The following CRY1 variants were observed in gnomAD, a reference collection of about 807,000 sequenced individuals.
The protein encoded by CRY1 is cryptochrome circadian regulator 1, also known as cryptochrome-1.
CRY1 carries 45 observed loss-of-function variants against 76.0 expected under a neutral mutation model. The observed-to-expected ratio is 0.59, with a 90% CI of 0.47 to 0.76. The LOEUF (loss-of-function observed/expected upper bound fraction) is 0.76, where lower values mean the gene tolerates loss of function less well. CRY1 is among the 30% of genes least tolerant of loss of function. The pLI is 0.00. For missense variants in CRY1, 587 were observed against 716.4 expected (o/e 0.82, Z 2.06); for synonymous variants, 248 against 244.0 (o/e 1.02, Z -0.15).
chr12:106,995,690 G>A (rs1952226703), intron 10 of CRY1, among the ~76,000 whole-genome samples: 1 of 151,768 alleles, frequency 6.6e-6, no homozygotes, highest in African/African-American at 2.4e-5. Context: ...ACATGTGCAG[G>A]ATGTGCAGGT....
At position 107,004,765 on chromosome 12, in the gene CRY1, T is replaced by C. The variant is rs907873017; in HGVS notation, c.410+341A>G. ...TTTATAACTATATATAACTATAAAA[T>C]TGATAATGCTAAGAGCCCAGAAAGG... On this transcript the variant is annotated intron_variant, in intron 3 of 12. Coordinates refer to ENST00000008527, the MANE Select transcript of CRY1 (RefSeq NM_004075.5). Among the ~76,000 whole-genome samples, 5 of 152,268 alleles carry C rather than the reference T, an allele frequency of 3.3e-5. No individual in the cohort carries two copies. The South Asian group carries it at 8.3e-4, about 25-fold the overall frequency.
In CRY1 at chr12:107,091,572, T is replaced by C. The variant is rs544011190; in HGVS notation, c.158+1232A>G. ...GCAGAAAAATTCTTTTCCAAACTTATGTCAGATCACATTACTTCTCTGCTC... is the reference window on the plus strand; with the variant it reads ...GCAGAAAAATTCTTTTCCAAACTTACGTCAGATCACATTACTTCTCTGCTC... On this transcript the variant is annotated intron_variant, in intron 1 of 12. Transcript: ENST00000008527. Among the ~76,000 whole-genome samples the C allele has an allele frequency of 4.7e-4, 72 of 152,330 alleles. No individual in the cohort carries two copies. The South Asian group carries it at 7.3e-3, about 15-fold the overall frequency.
Position 106,991,925 on chromosome 12 carries a change from A to G in CRY1, c.*77T>C, listed in dbSNP as rs1226866508. On this transcript the variant is annotated 3_prime_UTR_variant, in exon 13 of 13. Transcript: ENST00000008527. ...TAACTGCTTTCCATCAATGAAGAAT[A>G]TTTTTAAATAACTTAATTGAAAAGT... The G allele has an allele frequency of 1.3e-5, 2 of 152,580 alleles. No homozygotes were observed. The highest frequency in any genetic ancestry group is 2.9e-5 in the Non-Finnish European group (2 of 68,006). The allele number at this position is 152,580 out of a possible 1,614,324, so 9.5% of individuals were successfully genotyped here. A position where few individuals can be genotyped will look rare whatever the true frequency, so the allele number is the denominator to read the frequency against.
At chr12:106,997,227 A>AATG in intron 10 of CRY1, 67 bp downstream of exon 10, 1 of 1,312,946 alleles carries the variant, frequency 7.6e-7, no homozygotes, top group Non-Finnish European at 1.1e-6. Flanking sequence ...AGTGAGGATC[A>AATG]ATAACAAATA....
intron 1 of CRY1, among the ~76,000 whole-genome samples, chr12:107,058,273 TACAC>T (rs1248990317): frequency 1.3e-5 from 2 of 151,954 alleles, no homozygotes; most frequent in East Asian, 1.9e-4. Context: ...GGTAAATACA[TACAC>T]ACAGACACAG....
intron 1 of CRY1, among the ~76,000 whole-genome samples, chr12:107,061,028 CA>C (rs1283577203): frequency 6.6e-6 from 1 of 152,026 alleles, no homozygotes; most frequent in Non-Finnish European, 1.5e-5. Flanking sequence ...CTGAGATTCC[CA>C]AAAAGCTGGA....
chr12:107,063,159 T>A (rs1305676833), intron 1 of CRY1, among the ~76,000 whole-genome samples: 2 of 152,142 alleles, frequency 1.3e-5, no homozygotes, highest in Non-Finnish European at 2.9e-5. Context: ...GTCTTAATAT[T>A]CTAAGCAAGA....
chr12:107,000,779 AGCTGGAATT>A (rs1952299237), intron 5 of CRY1, among the ~76,000 whole-genome samples: 1 of 151,882 alleles, frequency 6.6e-6, no homozygotes, highest in Non-Finnish European at 1.5e-5. Context: ...CATCCCAAGT[AGCTGGAATT>A]AAAGGCACAC....
At chr12:107,076,968 A>G (rs1169256804) in intron 1 of CRY1, among the ~76,000 whole-genome samples, 4 of 152,150 alleles carry the variant, frequency 2.6e-5, no homozygotes, top group Non-Finnish European at 5.9e-5. Flanking sequence ...GAGGCTCCCC[A>G]AAAGCAGACG....
chr12:106,992,849 G>A lies in CRY1; in HGVS notation c.1699C>T (p.Pro567Ser), dbSNP rs377218700. The A allele has an allele frequency of 2.0e-5, 33 of 1,613,884 alleles. No individual in the cohort carries two copies. Among genetic ancestry groups the A allele is most frequent in the Non-Finnish European group, 2.5e-5 (29 of 1,179,936 alleles). Residue 567 changes from proline to serine, a missense_variant, in exon 12 of 13, where the codon CCT becomes TCT. Pro to Ser is a moderately conservative substitution (Grantham distance 74, BLOSUM62 -1). Coordinates refer to ENST00000008527, the MANE Select transcript of CRY1 (RefSeq NM_004075.5). ...CTCTGTGTGTCCTCTTCCTGACTAG[G>A]ACGTTTCCCACCACTGAGACCAGTG... Reference protein sequence around the residue: ...MGTGLSGGKRPSQEEDTQSIG... With the variant: ...MGTGLSGGKRSSQEEDTQSIG...
chr12:107,049,461 G>A (rs189065579), intron 1 of CRY1, among the ~76,000 whole-genome samples: 1 of 152,160 alleles, frequency 6.6e-6, no homozygotes, highest in African/African-American at 2.4e-5. Context: ...TGCAGCCTCC[G>A]CCTCCTGGGG....
chr12:107,062,920 C>T (rs372253088), intron 1 of CRY1, among the ~76,000 whole-genome samples: 1 of 152,146 alleles, frequency 6.6e-6, no homozygotes, highest in Non-Finnish European at 1.5e-5. Context: ...AAGTTTTTCT[C>T]AATTTAAAAC....
intron 1 of CRY1, among the ~76,000 whole-genome samples, chr12:107,066,098 T>C (rs2136887929): frequency 6.6e-6 from 1 of 152,330 alleles, no homozygotes; most frequent in Non-Finnish European, 1.5e-5. Flanking sequence ...ATAAAGTGAA[T>C]ATTATTTCTG....
chr12:107,031,919 T>C (rs1952680122), intron 1 of CRY1, among the ~76,000 whole-genome samples: 1 of 152,098 alleles, frequency 6.6e-6, no homozygotes, highest in East Asian at 1.9e-4. Context: ...GTTAGTACTA[T>C]GGTTTCTTTT....
chr12:107,071,799 T>C (rs1304958895), intron 1 of CRY1, among the ~76,000 whole-genome samples: 1 of 152,176 alleles, frequency 6.6e-6, no homozygotes, highest in Non-Finnish European at 1.5e-5. Context: ...ACTTTAGCAA[T>C]ACATGTGAGA....
intron 1 of CRY1, among the ~76,000 whole-genome samples, chr12:107,023,968 T>C (rs1340356388): frequency 2.0e-5 from 3 of 152,216 alleles, no homozygotes; most frequent in Non-Finnish European, 4.4e-5. Context: ...TTGGGAAGCA[T>C]CTAATTTTAT....
At position 107,022,162 on chromosome 12, in the gene CRY1, A is replaced by G; in HGVS notation, c.189T>C (p.Asp63=). 3 of 1,602,652 alleles carry G rather than the reference A, an allele frequency of 1.9e-6. No individual in the cohort carries two copies. Among genetic ancestry groups the G allele is most frequent in the Non-Finnish European group, 2.6e-6 (3 of 1,174,110 alleles). The change falls in exon 2 of 13, where the codon GAT becomes GAC. Residue 63 remains aspartate (D), a synonymous_variant. Transcript: ENST00000008527. ...RFLLQCLEDL[D]ANLRKLNSRL... ...GGGAGTTTAATTTTCGTAGATTGGCATCAAGATCCTCAAGACACTGAAGCA... is the reference window on the plus strand; with the variant it reads ...GGGAGTTTAATTTTCGTAGATTGGCGTCAAGATCCTCAAGACACTGAAGCA...
intron 1 of CRY1, among the ~76,000 whole-genome samples, chr12:107,055,895 T>C (rs1254759372): frequency 6.6e-6 from 1 of 151,678 alleles, no homozygotes; most frequent in Non-Finnish European, 1.5e-5. Flanking sequence ...CAAACAAGAA[T>C]AAAGCTAAAT....
chr12:107,080,954 T>C lies in CRY1; in HGVS notation c.158+11850A>G, dbSNP rs542308272. Reference sequence around the variant, plus strand: ...GTTTTACAGAATTTGATCTTAAGCATGTTTAAATGTTGATTGGAGGCAACC... The same window carrying C: ...GTTTTACAGAATTTGATCTTAAGCACGTTTAAATGTTGATTGGAGGCAACC... On this transcript the variant is annotated intron_variant, in intron 1 of 12. Coordinates refer to ENST00000008527, the MANE Select transcript of CRY1 (RefSeq NM_004075.5). Among the ~76,000 whole-genome samples, 79 of 152,250 alleles carry C rather than the reference T, an allele frequency of 5.2e-4. No individual in the cohort carries two copies. The South Asian group carries it at 8.5e-3, about 16-fold the overall frequency.
Sources: gnomAD v4.1 joint callset for allele counts (sites outside exome capture counted in the v4.1 genomes callset) on GRCh38, gnomAD v4.1.1 for gene constraint, MANE v1.5 for transcripts, NCBI Gene and HGNC (gene_info 2026-07-23, HGNC 2026-07-21) for gene names.